NAA15: variants seen among roughly 807,000 people sequenced by gnomAD.
NAA15 encodes the protein N-terminal acetyltransferase.
Under a neutral mutation model 114.0 loss-of-function variants are expected in NAA15, and 34 were observed. That is an observed-to-expected ratio of 0.30 (90% CI 0.23 to 0.40). NAA15 has a LOEUF of 0.40. Among genes scored for constraint, NAA15 ranks in the 10% least tolerant of loss-of-function variants. The pLI, the probability that NAA15 is intolerant of heterozygous loss-of-function variation, is 1.00. For synonymous variants in NAA15, 340 were observed against 338.0 expected, an observed-to-expected ratio of 1.01 and a Z score of -0.06; for missense variants, 658 against 1,004.5, an observed-to-expected ratio of 0.66 and a Z score of 4.66.
At chr4:139,311,330 G>A (rs1396068493) in intron 1 of NAA15, among the ~76,000 whole-genome samples, 1 of 151,492 alleles carries the variant, frequency 6.6e-6, no homozygotes, top group Non-Finnish European at 1.5e-5. Context: ...ATAAATATTT[G>A]TTATGTGAAG....
intron 9 of NAA15, among the ~76,000 whole-genome samples, chr4:139,352,209 A>G (rs760884035): frequency 6.6e-6 from 1 of 152,020 alleles, no homozygotes; most frequent in Non-Finnish European, 1.5e-5. Context: ...CCTGGGTTCA[A>G]GCAATTCTTG....
intron 19 of NAA15, 110 bp from the exon 20 acceptor site, chr4:139,387,774 T>C (rs1369567449): frequency 2.5e-6 from 2 of 815,252 alleles, no homozygotes; most frequent in Non-Finnish European, 4.0e-6. Context: ...TAGCTAAATA[T>C]GTGTATTTAT....
chr4:139,379,276 ATT>A (rs1322906520), intron 17 of NAA15: 1 of 152,774 alleles, frequency 6.5e-6, no homozygotes, highest in Non-Finnish European at 1.5e-5. Context: ...GAGTCATAAA[ATT>A]TTTTGTTACT....
At chr4:139,350,213 C>T (rs759150079) in intron 7 of NAA15, among the ~76,000 whole-genome samples, 13 of 152,100 alleles carry the variant, frequency 8.5e-5, no homozygotes, top group Non-Finnish European at 1.2e-4. Flanking sequence ...GAGGCTGGGG[C>T]GGGAGGATTG....
Position 139,344,320 on chromosome 4 carries a change from T to C in NAA15, c.672T>C (p.Leu224=). 6.2e-7 allele frequency: 1 copy of C among 1,609,928 alleles called. No individual in the cohort carries two copies. The highest frequency in any genetic ancestry group is 8.5e-7 in the Non-Finnish European group (1 of 1,178,218). The change falls in exon 6 of 20, where the codon CTT becomes CTC. Residue 224 remains leucine (L), a synonymous_variant. Transcript: ENST00000296543. ...ATGAAAAGCAGATTTGTGATAAACT[T>C]GCTGTAGAAGAAACCAAAGGTATTT... ...CTYEKQICDK[L]AVEETKGELL...
chr4:139,376,001 G>T (rs1215130648), intron 15 of NAA15, among the ~76,000 whole-genome samples: 1 of 152,076 alleles, frequency 6.6e-6, no homozygotes, highest in Non-Finnish European at 1.5e-5. Context: ...CACTCATTCT[G>T]TCATGGTCTC....
chr4:139,382,367 GT>G (rs1042443503), intron 17 of NAA15, among the ~76,000 whole-genome samples: 1 of 151,644 alleles, frequency 6.6e-6, no homozygotes, highest in Admixed American at 6.6e-5. Context: ...TTTTGGTAGA[GT>G]TTTTTTTAGC....
intron 1 of NAA15, among the ~76,000 whole-genome samples, chr4:139,322,937 C>T (rs1746669250): frequency 6.6e-6 from 1 of 151,512 alleles, no homozygotes; most frequent in South Asian, 2.1e-4. Flanking sequence ...GTGACCCGCC[C>T]ACCTTGTCCT....
chr4:139,356,054 G>A (rs1033845089), intron 10 of NAA15, among the ~76,000 whole-genome samples: 9 of 152,064 alleles, frequency 5.9e-5, no homozygotes, highest in African/African-American at 2.2e-4. Context: ...TGGTTCAATA[G>A]CATCCTTCAA....
At chr4:139,331,082 C>CT (rs1021574304) in intron 1 of NAA15, among the ~76,000 whole-genome samples, 22 of 151,358 alleles carry the variant, frequency 1.5e-4, no homozygotes, top group Admixed American at 5.3e-4. Context: ...TTTTAGAGCA[C>CT]TTTTTTTTTC....
At chr4:139,310,624 A>T (rs901698071) in intron 1 of NAA15, among the ~76,000 whole-genome samples, 1 of 151,216 alleles carries the variant, frequency 6.6e-6, no homozygotes, top group East Asian at 1.9e-4. Context: ...ATTTATTTTT[A>T]TTATTATTTT....
At chr4:139,363,067 A>C (rs1225103920) in intron 14 of NAA15, among the ~76,000 whole-genome samples, 1 of 152,336 alleles carries the variant, frequency 6.6e-6, no homozygotes, top group East Asian at 1.9e-4. Context: ...CTTTGTACAG[A>C]TATCACTTGA....
rs757773222 is a variant in NAA15, at chr4:139,349,506, G to A, written c.736G>A (p.Val246Ile). The change falls in exon 7 of 20, where the codon GTT becomes ATT. Residue 246 changes from valine to isoleucine, a missense_variant. Around this residue, in one of 6 missense-constraint regions of NAA15, gnomAD observed 281 missense variants for 389.1 expected, o/e 0.72. Transcript: ENST00000296543. ...QLCRLEDAAD[V>I]YRGLQERNPE... is the part of the protein sequence containing the mutation. ...ATGTCGTTTGGAAGATGCTGCAGAT[G>A]TTTATAGAGGATTGCAAGAGAGAAA... is the stretch of plus-strand genomic sequence containing the variant. The A allele has an allele frequency of 8.1e-6, 13 of 1,610,694 alleles. No individual in the cohort carries two copies. The South Asian group carries it at 1.3e-4, about 17-fold the overall frequency.
chr4:139,339,869 A>T (rs1207221371), intron 3 of NAA15, among the ~76,000 whole-genome samples: 3 of 152,194 alleles, frequency 2.0e-5, no homozygotes, highest in Non-Finnish European at 4.4e-5. Flanking sequence ...AGTAATCAAG[A>T]TCTAAAGTGA....
At chr4:139,313,703 C>T (rs1046253849) in intron 1 of NAA15, among the ~76,000 whole-genome samples, 5 of 151,694 alleles carry the variant, frequency 3.3e-5, no homozygotes, top group African/African-American at 1.2e-4. Context: ...TGCCTCCATG[C>T]CCGGCTAATT....
intron 4 of NAA15, among the ~76,000 whole-genome samples, chr4:139,342,479 G>GTTTTTTTTTTTTTTTTTTTTTTTTTTTT: frequency 8.0e-6 from 1 of 125,550 alleles, no homozygotes; most frequent in Non-Finnish European, 1.7e-5. Context: ...ATTAATGTGT[G>GTTTTTTTTTTTTTTTTTTTTTTTTTTTT]TTTTTTTTTT....
At chr4:139,317,753 T>A (rs1746462457) in intron 1 of NAA15, among the ~76,000 whole-genome samples, 1 of 152,256 alleles carries the variant, frequency 6.6e-6, no homozygotes, top group African/African-American at 2.4e-5. Flanking sequence ...AGGTTTTGTA[T>A]AATTGGATAA....
At chr4:139,357,189 A>C (rs1437053074) in intron 10 of NAA15, among the ~76,000 whole-genome samples, 197 bp from the exon 11 acceptor site, 2 of 152,214 alleles carry the variant, frequency 1.3e-5, no homozygotes, top group Non-Finnish European at 2.9e-5. Flanking sequence ...GGATTGTGCT[A>C]GGGGTTATAA....
chr4:139,319,567 CT>C (rs1276134487), intron 1 of NAA15, among the ~76,000 whole-genome samples: 1 of 152,084 alleles, frequency 6.6e-6, no homozygotes, highest in African/African-American at 2.4e-5. Context: ...TCGTGGGCGG[CT>C]GGGATTACAG....
Sources: gnomAD v4.1 joint callset for allele counts (sites outside exome capture counted in the v4.1 genomes callset) on GRCh38, gnomAD v4.1.1 for gene constraint, gnomAD v4.1.1 regional missense constraint, MANE v1.5 for transcripts, NCBI Gene and HGNC (gene_info 2026-07-23, HGNC 2026-07-21) for gene names.